The following ARHGEF1 variants were observed in gnomAD, a reference collection of about 807,000 sequenced individuals.
ARHGEF1 encodes Rho guanine nucleotide exchange factor 1.
In ARHGEF1, 40 loss-of-function variants were observed where a neutral mutation model predicts 119.7. The observed-to-expected ratio is 0.33, with a 90% CI of 0.26 to 0.44. The LOEUF (loss-of-function observed/expected upper bound fraction) is 0.44, where lower values mean the gene tolerates loss of function less well. Among genes scored for constraint, ARHGEF1 ranks in the 20% least tolerant of loss-of-function variants. The probability of loss-of-function intolerance (pLI) is 1.00; values close to 1 mark genes in which losing one functional copy is unlikely to be tolerated. For missense variants in ARHGEF1, 976 were observed against 1,268.3 expected (o/e 0.77, Z 3.50); for synonymous variants, 494 against 521.0 (o/e 0.95, Z 0.71).
chr19:41,894,261 C>G lies in ARHGEF1; in HGVS notation c.699C>G (p.Thr233=). 1 of 1,572,658 alleles carries G rather than the reference C, an allele frequency of 6.4e-7. No individual in the cohort carries two copies. The highest frequency in any genetic ancestry group is 8.7e-7 in the Non-Finnish European group (1 of 1,154,688). The change falls in exon 9 of 29, where the codon ACC becomes ACG. Residue 233 remains threonine (T), a synonymous_variant. Coordinates refer to ENST00000354532, the MANE Select transcript of ARHGEF1 (RefSeq NM_004706.4). Reference sequence around the variant, plus strand: ...ACATGCGCCACCTTGGGGTGCGGACCAAGAGTGGAGACAAGAAGTCGGGGA... The same window carrying G: ...ACATGCGCCACCTTGGGGTGCGGACGAAGAGTGGAGACAAGAAGTCGGGGA... ...GLYMRHLGVR[T]KSGDKKSGRN... is the part of the protein sequence containing the mutation.
chr19:41,922,849 GC>G (rs1482112452), upstream of ARHGEF1, among the ~76,000 whole-genome samples: 1 of 152,226 alleles, frequency 6.6e-6, no homozygotes, highest in African/African-American at 2.4e-5. Flanking sequence ...CCCGCGCACT[GC>G]CGCCGAGGCG....
rs782454164 is a variant in ARHGEF1, at chr19:41,906,829, G to A, written c.*17+26G>A. 5.8e-5 allele frequency: 91 copies of A among 1,564,628 alleles called. No individual in the cohort carries two copies. Among genetic ancestry groups the A allele is most frequent in the Non-Finnish European group, 7.7e-5 (89 of 1,149,984 alleles). On this transcript the variant is annotated intron_variant, in intron 28 of 28. Transcript: ENST00000354532. This position sits in a 1 kb window ranked among gnomAD's most constrained non-coding sequence, Gnocchi z 4.5. ...GTGAGTGGGGCACCTGGGGGCCAGG[G>A]CGCTGTCCTGAAAGGAGGGTCCCCC...
At chr19:41,914,817 CGT>C (rs1555851714) in intron 18 of ARHGEF1, among the ~76,000 whole-genome samples, 3 of 23,032 alleles carry the variant, frequency 1.3e-4, no homozygotes, top group Non-Finnish European at 3.1e-4. Flanking sequence ...CCCCCTCCAC[CGT>C]GTCTCCCCCC....
intron 1 of ARHGEF1, among the ~76,000 whole-genome samples, chr19:41,924,452 A>G (rs2074859846): frequency 6.6e-6 from 1 of 152,042 alleles, no homozygotes; most frequent in Non-Finnish European, 1.5e-5. Context: ...GGTGTGAAGA[A>G]CTTGGTGTCT....
At chr19:41,912,458 C>A (rs1183315137) in intron 18 of ARHGEF1, among the ~76,000 whole-genome samples, 1 of 152,208 alleles carries the variant, frequency 6.6e-6, no homozygotes, top group Non-Finnish European at 1.5e-5. Flanking sequence ...TGGGCAGTGC[C>A]GTCTGTCTAC....
At position 41,892,476 on chromosome 19, in the gene ARHGEF1, C is replaced by G. The variant is rs551980953; in HGVS notation, c.367+103C>G. On this transcript the variant is annotated intron_variant, in intron 6 of 28. Coordinates refer to ENST00000354532, the MANE Select transcript of ARHGEF1 (RefSeq NM_004706.4). The surrounding 1 kb of genome is among the most constrained non-coding windows in gnomAD (Gnocchi z 6.3). ...CACTCCCATGCTCTGCTCGGACAGC[C>G]GAGATTCATTCATTCCTTCTTGGCA... The G allele has an allele frequency of 6.3e-7, 1 of 1,592,690 alleles. No individual in the cohort carries two copies. The highest frequency in any genetic ancestry group is 2.2e-5 in the East Asian group (1 of 44,518).
rs781994267 is a variant in ARHGEF1, at chr19:41,906,175, G to A, written c.2491+150G>A. 3.6e-5 allele frequency: 27 copies of A among 742,602 alleles called. No individual in the cohort carries two copies. The highest frequency in any genetic ancestry group is 5.8e-5 in the Non-Finnish European group (26 of 451,288). 46.0% of individuals were successfully genotyped at this position (742,602 alleles called of 1,614,324 possible). ...CCCACCCAGCCTGCACCACTGTCCT[G>A]GGTGCCCACGTCCCTCTTCTGCAGC... On this transcript the variant is annotated intron_variant, in intron 26 of 28. Transcript: ENST00000354532. The surrounding 1 kb of genome is among the most constrained non-coding windows in gnomAD (Gnocchi z 4.5).
At chr19:41,885,436 GCTCT>G (rs1158037086) in intron 1 of ARHGEF1, among the ~76,000 whole-genome samples, 3 of 150,560 alleles carry the variant, frequency 2.0e-5, no homozygotes, top group African/African-American at 7.3e-5. Context: ...CTGAAGCAAT[GCTCT>G]CTGTTTTATT....
chr19:41,891,623 G>A (rs8110305), intron 4 of ARHGEF1, among the ~76,000 whole-genome samples: 28,362 of 152,078 alleles, frequency 0.19, 7,401 homozygotes, highest in African/African-American at 0.58. Context: ...CTTGAGCTCC[G>A]TTTTCTCATC....
Position 41,906,521 on chromosome 19 carries a change from T to C in ARHGEF1, c.2556T>C (p.Asp852=). ...ACAATGGGGCGGGGCCTCCTCGAGATGGGGATGGGGTCCCAGGGGGCGGCC... is the reference window on the plus strand; with the variant it reads ...ACAATGGGGCGGGGCCTCCTCGAGACGGGGATGGGGTCCCAGGGGGCGGCC... ...EEDNGAGPPR[D]GDGVPGGGPL... The change falls in exon 27 of 29, where the codon GAT becomes GAC. Residue 852 remains aspartate, a synonymous_variant. Coordinates refer to ENST00000354532, the MANE Select transcript of ARHGEF1 (RefSeq NM_004706.4). This position sits in a 1 kb window ranked among gnomAD's most constrained non-coding sequence, Gnocchi z 4.5. The C allele has an allele frequency of 6.3e-7, 1 of 1,579,672 alleles. No homozygotes were observed. Among genetic ancestry groups the C allele is most frequent in the Non-Finnish European group, 8.5e-7 (1 of 1,171,296 alleles).
At chr19:41,908,244 C>G (rs889833754), downstream of ARHGEF1, 23 of 1,231,614 alleles carry the variant, frequency 1.9e-5, no homozygotes, top group Admixed American at 5.5e-4. This position sits in a 1 kb window ranked among gnomAD's most constrained non-coding sequence, Gnocchi z 6.7. Flanking sequence ...GCCGGTCCCC[C>G]CTTTGCCCGC....
Position 41,892,812 on chromosome 19 carries a change from G to GTGGCGGAGCGGCTGCTCATGCACC in ARHGEF1, c.581_604dup (p.Ala194_Leu201dup). 6.3e-7 allele frequency: 1 copy of GTGGCGGAGCGGCTGCTCATGCACC among 1,583,702 alleles called. No homozygotes were observed. The highest frequency in any genetic ancestry group is 8.6e-7 in the Non-Finnish European group (1 of 1,168,512). The stretch of plus-strand genomic sequence containing the variant: ...CAGCTACGAGGCCCGGGAGCGGCAC[G>GTGGCGGAGCGGCTGCTCATGCACC]TGGCGGAGCGGCTGCTCATGCACCT... On this transcript the variant is annotated inframe_insertion, in exon 7 of 29. Coordinates refer to ENST00000354532, the MANE Select transcript of ARHGEF1 (RefSeq NM_004706.4). The surrounding 1 kb of genome is among the most constrained non-coding windows in gnomAD (Gnocchi z 6.3).
At chr19:41,909,445 T>C (rs2074740524), downstream of ARHGEF1, 1 of 1,239,252 alleles carries the variant, frequency 8.1e-7, no homozygotes, top group Non-Finnish European at 1.0e-6. The surrounding 1 kb of genome is among the most constrained non-coding windows in gnomAD (Gnocchi z 5.2). Flanking sequence ...TTTGGTCTTG[T>C]GGAGAATCCG....
chr19:41,887,850 C>T (rs1048606066), intron 1 of ARHGEF1, among the ~76,000 whole-genome samples: 2 of 152,246 alleles, frequency 1.3e-5, no homozygotes, highest in Non-Finnish European at 2.9e-5. Context: ...GAGCCTCCAA[C>T]GCCTGCCCCC....
intron 8 of ARHGEF1, 68 bp from the exon 9 acceptor site, chr19:41,894,135 AGTGT>A (rs35797687): frequency 2.8e-4 from 136 of 485,952 alleles, no homozygotes; most frequent in Non-Finnish European, 3.7e-4. Flanking sequence ...TGTGTGTGTG[AGTGT>A]GTGTGTGTGT....
downstream of ARHGEF1, chr19:41,909,961 C>T: frequency 1.2e-6 from 2 of 1,613,904 alleles, no homozygotes; most frequent in African/African-American, 1.3e-5. This position sits in a 1 kb window ranked among gnomAD's most constrained non-coding sequence, Gnocchi z 5.2. Flanking sequence ...TGACGAATTC[C>T]CCGTAGTCCC....
chr19:41,915,131 C>G (rs1599675329), intron 18 of ARHGEF1, among the ~76,000 whole-genome samples: 1 of 112,900 alleles, frequency 8.9e-6, no homozygotes, highest in Admixed American at 8.7e-5. Context: ...TTCCTCCCCC[C>G]GCCCCCACCC....
Position 41,903,217 on chromosome 19 carries a change from C to A in ARHGEF1, c.1739-90C>A. 1 of 1,212,970 alleles carries A rather than the reference C, an allele frequency of 8.2e-7. No homozygotes were observed. Among genetic ancestry groups the A allele is most frequent in the Admixed American group, 1.9e-5 (1 of 52,030 alleles). 75.1% of individuals were successfully genotyped at this position (1,212,970 alleles called of 1,614,324 possible). ...GATTACAGGCGTGAGCCACCATGCC[C>A]GGCCAGCTGTCCTTTGTCTAACCTT... On this transcript the variant is annotated intron_variant, in intron 18 of 28. Transcript: ENST00000354532. The surrounding 1 kb of genome is among the most constrained non-coding windows in gnomAD (Gnocchi z 4.2).
intron 18 of ARHGEF1, among the ~76,000 whole-genome samples, chr19:41,913,883 C>T (rs1555851509): frequency 6.6e-6 from 1 of 151,336 alleles, no homozygotes; most frequent in Non-Finnish European, 1.5e-5. Context: ...GACCCCTCCC[C>T]TCAGGCACTT....
Sources: gnomAD v4.1 joint callset for allele counts (sites outside exome capture counted in the v4.1 genomes callset) on GRCh38, gnomAD v4.1.1 for gene constraint, Gnocchi (gnomAD v3.1) non-coding constraint, MANE v1.5 for transcripts, NCBI Gene and HGNC (gene_info 2026-07-23, HGNC 2026-07-21) for gene names.